LPIN1: variants seen among roughly 807,000 people sequenced by gnomAD.
LPIN1 encodes phosphatidate phosphatase LPIN1.
A neutral mutation model predicts 107.5 loss-of-function variants in LPIN1; 71 were observed. That is an observed-to-expected ratio of 0.66 (90% confidence interval 0.55 to 0.80). The LOEUF (loss-of-function observed/expected upper bound fraction) is 0.80, where lower values mean the gene tolerates loss of function less well. LPIN1 is among the 30% of genes least tolerant of loss of function. The pLI, the probability that LPIN1 is intolerant of heterozygous loss-of-function variation, is 0.00. For synonymous variants in LPIN1, 445 were observed against 452.6 expected (o/e 0.98, Z 0.21); for missense variants, 1,043 against 1,160.6 (o/e 0.90, Z 1.47).
intron 1 of LPIN1, among the ~76,000 whole-genome samples, chr2:11,751,883 A>G (rs1667851476): frequency 6.6e-6 from 1 of 151,994 alleles, no homozygotes; most frequent in Non-Finnish European, 1.5e-5. Context: ...ACAAAAAACC[A>G]CAATGGGTCC....
chr2:11,772,471 A>G (rs1267826227), intron 4 of LPIN1, among the ~76,000 whole-genome samples: 3 of 152,094 alleles, frequency 2.0e-5, no homozygotes, highest in Admixed American at 2.0e-4. Flanking sequence ...GACCAAACCC[A>G]TTTTCTTGGA....
chr2:11,765,614 G>C lies in LPIN1; in HGVS notation c.73G>C (p.Ala25Pro), dbSNP rs150673063. Residue 25 changes from alanine to proline, a missense_variant, in exon 2 of 21, where the codon GCC becomes CCC. Transcript: ENST00000674199. The surrounding 1 kb of genome is among the most constrained non-coding windows in gnomAD (Gnocchi z 4.4). Reference sequence around the variant, plus strand: ...GGAGCTCTACAAGGGGCTGAATCCCGCCACACTCTCAGGGTGCATTGACAT... The same window carrying C: ...GGAGCTCTACAAGGGGCTGAATCCCCCCACACTCTCAGGGTGCATTGACAT... ...VKELYKGLNP[A>P]TLSGCIDIIV... The C allele has an allele frequency of 2.5e-6, 4 of 1,614,118 alleles. No individual in the cohort carries two copies. The highest frequency in any genetic ancestry group is 4.5e-5 in the East Asian group (2 of 44,884).
intron 1 of LPIN1, among the ~76,000 whole-genome samples, chr2:11,751,558 T>A (rs1223991894): frequency 2.0e-5 from 3 of 152,164 alleles, no homozygotes; most frequent in South Asian, 2.1e-4. Flanking sequence ...TGTAATTTTT[T>A]AAAAATGGGT....
At chr2:11,766,065 C>T (rs139201271) in intron 2 of LPIN1, among the ~76,000 whole-genome samples, 248 of 152,366 alleles carry the variant, frequency 1.6e-3, no homozygotes, top group Non-Finnish European at 2.3e-3. Flanking sequence ...TGAACACTCA[C>T]GTTCTTTGTG....
chr2:11,791,296 C>G (rs557052177), intron 12 of LPIN1, among the ~76,000 whole-genome samples: 1 of 152,276 alleles, frequency 6.6e-6, no homozygotes, highest in African/African-American at 2.4e-5. Context: ...GAATTAACCT[C>G]AAGATAGATA....
Position 11,765,429 on chromosome 2 carries a change from G to A in LPIN1, c.-9-104G>A. On this transcript the variant is annotated intron_variant, in intron 1 of 20. Transcript: ENST00000674199. This position sits in a 1 kb window ranked among gnomAD's most constrained non-coding sequence, Gnocchi z 4.4. ...CCGGAAATGAGAGGAGCTGAAAGTT[G>A]AGTGTGTAATCCACGTTTTTGAAAT... 5.6e-6 allele frequency: 6 copies of A among 1,063,848 alleles called. No individual in the cohort carries two copies. Among genetic ancestry groups the A allele is most frequent in the Non-Finnish European group, 8.4e-6 (6 of 717,504 alleles). The allele number at this position is 1,063,848 out of a possible 1,614,324, so 65.9% of individuals were successfully genotyped here.
intron 1 of LPIN1, among the ~76,000 whole-genome samples, chr2:11,735,174 C>G (rs1421001681): frequency 2.0e-5 from 3 of 152,100 alleles, no homozygotes; most frequent in African/African-American, 4.8e-5. Flanking sequence ...CGACTGTAAT[C>G]CCAGCTACTT....
At chr2:11,757,675 G>T (rs558299678) in intron 1 of LPIN1, among the ~76,000 whole-genome samples, 1 of 152,098 alleles carries the variant, frequency 6.6e-6, no homozygotes, top group East Asian at 1.9e-4. Context: ...GGTCCCTCCC[G>T]TGCCTCCTGG....
chr2:11,690,974 A>C (rs1662239294), intron 1 of LPIN1, among the ~76,000 whole-genome samples: 1 of 152,108 alleles, frequency 6.6e-6, no homozygotes, highest in Admixed American at 6.5e-5. Flanking sequence ...TGAAAATAGG[A>C]TACATCATGA....
chr2:11,770,568 T>G (rs1671676516), intron 3 of LPIN1, among the ~76,000 whole-genome samples: 2 of 152,246 alleles, frequency 1.3e-5, no homozygotes, highest in Admixed American at 1.3e-4. Context: ...GTAGACATTC[T>G]ATTTCAGCAT....
At chr2:11,756,376 C>CTTTA (rs999335822) in intron 1 of LPIN1, among the ~76,000 whole-genome samples, 50 of 152,148 alleles carry the variant, frequency 3.3e-4, no homozygotes, top group African/African-American at 1.2e-3. Context: ...ATTCAAATCC[C>CTTTA]TTTATTTATT....
intron 1 of LPIN1, among the ~76,000 whole-genome samples, chr2:11,759,974 C>T: frequency 1.4e-5 from 2 of 146,656 alleles, no homozygotes; most frequent in South Asian, 4.4e-4. Context: ...GGGGTGGCTG[C>T]CGGGCGGAGG....
intron 1 of LPIN1, among the ~76,000 whole-genome samples, chr2:11,764,499 G>C (rs896432719): frequency 2.6e-5 from 4 of 152,186 alleles, no homozygotes; most frequent in African/African-American, 9.7e-5. Context: ...GTCTCTCCAG[G>C]GGACAGGACT....
intron 1 of LPIN1, among the ~76,000 whole-genome samples, chr2:11,709,386 G>A (rs900553452): frequency 2.0e-5 from 3 of 152,204 alleles, no homozygotes; most frequent in African/African-American, 4.8e-5. Flanking sequence ...AGAGAAGGGC[G>A]GTACCTTGTC....
intron 1 of LPIN1, among the ~76,000 whole-genome samples, chr2:11,679,663 G>A (rs1044057461): frequency 1.3e-5 from 2 of 152,214 alleles, no homozygotes; most frequent in Non-Finnish European, 2.9e-5. Flanking sequence ...TAAGCCCCAG[G>A]CTAAAACCCT....
chr2:11,806,822 A>G (rs574374721), intron 17 of LPIN1, among the ~76,000 whole-genome samples: 3 of 152,354 alleles, frequency 2.0e-5, no homozygotes, highest in South Asian at 2.1e-4. Context: ...TAGAACTACT[A>G]TGAACAGTTT....
At chr2:11,743,860 G>T, upstream of LPIN1, among the ~76,000 whole-genome samples, 1 of 152,154 alleles carries the variant, frequency 6.6e-6, no homozygotes, top group Admixed American at 6.5e-5. The surrounding 1 kb of genome is among the most constrained non-coding windows in gnomAD (Gnocchi z 4.7). Context: ...TGTGTAGGTG[G>T]TTGATCTGGA....
intron 13 of LPIN1, chr2:11,792,325 T>A (rs1231712681): frequency 7.4e-6 from 2 of 271,096 alleles, no homozygotes; most frequent in Non-Finnish European, 1.4e-5. Context: ...TCTTAAGAAA[T>A]TAAATATCTT....
intron 1 of LPIN1, among the ~76,000 whole-genome samples, chr2:11,711,085 G>A (rs1338509479): frequency 6.6e-6 from 1 of 152,178 alleles, no homozygotes; most frequent in African/African-American, 2.4e-5. Context: ...TCCAAACACT[G>A]TGAATTTAAA....
Sources: gnomAD v4.1 joint callset for allele counts (sites outside exome capture counted in the v4.1 genomes callset) on GRCh38, gnomAD v4.1.1 for gene constraint, Gnocchi (gnomAD v3.1) non-coding constraint, MANE v1.5 for transcripts, NCBI Gene and HGNC (gene_info 2026-07-23, HGNC 2026-07-21) for gene names.